ACE: variants seen among roughly 807,000 people sequenced by gnomAD.
The protein encoded by ACE is angiotensin I converting enzyme, also known as angiotensin-converting enzyme.
In ACE, 122 loss-of-function variants were observed where a neutral mutation model predicts 162.3. The ratio of observed to expected loss-of-function variants is 0.75; its 90% CI spans 0.65 to 0.87. The LOEUF (loss-of-function observed/expected upper bound fraction) is 0.87, where lower values mean the gene tolerates loss of function less well. Among genes scored for constraint, ACE ranks in the 40% least tolerant of loss-of-function variants. ACE has a pLI of 0.00. For missense variants in ACE, 1,799 were observed against 1,735.1 expected (o/e 1.04, Z -0.65); for synonymous variants, 796 against 720.6 (o/e 1.10, Z -1.68).
chr17:63,478,125 G>C lies in ACE; in HGVS notation c.417+27G>C, dbSNP rs1015502824. 1.9e-6 allele frequency: 3 copies of C among 1,559,168 alleles called. No individual in the cohort carries two copies. In the African/African-American group the frequency reaches 4.1e-5, roughly 21 times the overall value. On this transcript the variant is annotated intron_variant, in intron 2 of 24. Coordinates refer to ENST00000290866, the MANE Select transcript of ACE (RefSeq NM_000789.4). Reference sequence around the variant, plus strand: ...TGGGCTGAGGGCTGAGGCAGAGCTCGGGGGCGGCCTCCTAGTGCCCCATCG... The same window carrying C: ...TGGGCTGAGGGCTGAGGCAGAGCTCCGGGGCGGCCTCCTAGTGCCCCATCG...
At position 63,486,920 on chromosome 17, in the gene ACE, T is replaced by C. The variant is rs4332; in HGVS notation, c.2218-66T>C. Reference sequence around the variant, plus strand: ...CCTGCCAGCCCATGGGGCCTGGGGGTAGTGCAGGCCCCAGAGAGACCAAGT... The same window carrying C: ...CCTGCCAGCCCATGGGGCCTGGGGGCAGTGCAGGCCCCAGAGAGACCAAGT... On this transcript the variant is annotated intron_variant, in intron 14 of 24. Transcript: ENST00000290866. 0.48 allele frequency: 719,865 copies of C among 1,500,288 alleles called. 174,806 individuals are homozygous for C. Among genetic ancestry groups the C allele is most frequent in the East Asian group, 0.65 (28,821 of 44,296 alleles). The allele number at this position is 1,500,288 out of a possible 1,614,324, so 92.9% of individuals were successfully genotyped here.
chr17:63,494,253 C>A, intron 21 of ACE, 119 bp from the exon 22 acceptor site: 2 of 1,264,322 alleles, frequency 1.6e-6, no homozygotes, highest in Non-Finnish European at 2.3e-6. Context: ...GCCCAGCACG[C>A]AGGAGAATGG....
In ACE at chr17:63,491,264, G is replaced by C. The variant is rs768235439; in HGVS notation, c.2795G>C (p.Gly932Ala). ...KEADDFFTSL[G>A]LLPVPPEFWN... ...GCTGATGATTTCTTCACCTCCCTGG[G>C]GCTGCTGCCCGTGCCTCCTGAGTTC... Residue 932 changes from glycine (G) to alanine (A), a missense_variant, in exon 19 of 25, where the codon GGG becomes GCG. Coordinates refer to ENST00000290866, the MANE Select transcript of ACE (RefSeq NM_000789.4). This position sits in a 1 kb window ranked among gnomAD's most constrained non-coding sequence, Gnocchi z 4.4. The C allele has an allele frequency of 6.2e-7, 1 of 1,614,192 alleles. No homozygotes were observed. Among genetic ancestry groups the C allele is most frequent in the South Asian group, 1.1e-5 (1 of 91,090 alleles).
intron 10 of ACE, 138 bp downstream of exon 10, chr17:63,483,696 C>A: frequency 7.0e-7 from 1 of 1,436,372 alleles, no homozygotes; most frequent in Non-Finnish European, 9.8e-7. Context: ...GTTAGAGTGG[C>A]CCACTCTCCT....
chr17:63,493,409 C>A (rs375210570), intron 19 of ACE, 27 bp from the exon 20 acceptor site: 78 of 1,609,362 alleles, frequency 4.8e-5, no homozygotes, highest in Non-Finnish European at 6.3e-5. Flanking sequence ...TCTCCCAACA[C>A]CCTCTCCCCC....
rs1350428418 is a variant in ACE, at chr17:63,479,016, C to T, written c.427C>T (p.Leu143=). ...CCCTCTGACTCCCCAGTACAACGCCCTGCTAAGCAACATGAGCAGGATCTA... is the reference window on the plus strand; with the variant it reads ...CCCTCTGACTCCCCAGTACAACGCCTTGCTAAGCAACATGAGCAGGATCTA... The part of the protein sequence containing the change: ...PLAKRQQYNA[L]LSNMSRIYST... Residue 143 remains leucine (L), a synonymous_variant, in exon 3 of 25, where the codon CTG becomes TTG. Coordinates refer to ENST00000290866, the MANE Select transcript of ACE (RefSeq NM_000789.4). 1.2e-6 allele frequency: 2 copies of T among 1,613,516 alleles called. No homozygotes were observed. The highest frequency in any genetic ancestry group is 1.3e-5 in the African/African-American group (1 of 74,880).
chr17:63,483,095 T>C lies in ACE; in HGVS notation c.1409T>C (p.Leu470Ser). The part of the protein sequence containing the change: ...EKIAFLPFGY[L>S]VDQWRWGVFS... ...ATTGCCTTCCTGCCCTTTGGCTACT[T>C]GGTGGACCAGTGGCGCTGGGGGGTC... Residue 470 changes from leucine to serine, a missense_variant, in exon 9 of 25, where the codon TTG (leucine) becomes TCG (serine). Coordinates refer to ENST00000290866, the MANE Select transcript of ACE (RefSeq NM_000789.4). The C allele has an allele frequency of 6.2e-7, 1 of 1,614,182 alleles. No homozygotes were observed. The highest frequency in any genetic ancestry group is 1.6e-4 in the Middle Eastern group (1 of 6,062).
chr17:63,497,549 A>C lies in ACE; in HGVS notation c.*183A>C. The C allele has an allele frequency of 1.4e-6, 1 of 707,240 alleles. No individual in the cohort carries two copies. Among genetic ancestry groups the C allele is most frequent in the South Asian group, 1.5e-5 (1 of 66,754 alleles). 43.8% of individuals were successfully genotyped at this position (707,240 alleles called of 1,614,324 possible). A position where few individuals can be genotyped will look rare whatever the true frequency, so the allele number is the denominator to read the frequency against. ...CCGCCCCAGCCCCTTCTCCCAGCAC[A>C]CGGCTGCCTGACACTGAGCCCCACC... On this transcript the variant is annotated 3_prime_UTR_variant, in exon 25 of 25. Transcript: ENST00000290866.
chr17:63,478,225 GC>G, intron 2 of ACE, 127 bp downstream of exon 2: 1 of 1,233,528 alleles, frequency 8.1e-7, no homozygotes, highest in Non-Finnish European at 1.1e-6. Flanking sequence ...AGAAGGGAAA[GC>G]CCAGGTAAGC....
Position 63,497,337 on chromosome 17 carries a change from G to A in ACE, c.3892G>A (p.Gly1298Ser), listed in dbSNP as rs1024799181. ...LHRHSHGPQF[G>S]SEVELRHS Reference sequence around the variant, plus strand: ...CCGGCACTCCCACGGGCCCCAGTTCGGCTCCGAGGTGGAGCTGAGACACTC... The same window carrying A: ...CCGGCACTCCCACGGGCCCCAGTTCAGCTCCGAGGTGGAGCTGAGACACTC... The change falls in exon 25 of 25, where the codon GGC becomes AGC. Residue 1298 changes from glycine to serine, a missense_variant. Coordinates refer to ENST00000290866, the MANE Select transcript of ACE (RefSeq NM_000789.4). 5.2e-6 allele frequency: 8 copies of A among 1,548,594 alleles called. No homozygotes were observed. Among genetic ancestry groups the A allele is most frequent in the East Asian group, 2.4e-5 (1 of 40,884 alleles).
At chr17:63,487,151 C>T (rs2030010066) in intron 15 of ACE, 78 bp downstream of exon 15, 6 of 1,286,488 alleles carry the variant, frequency 4.7e-6, no homozygotes, top group Admixed American at 1.7e-5. Context: ...GGTGAGAGCA[C>T]AGAGTTGGGT....
chr17:63,494,359 T>A lies in ACE; in HGVS notation c.3282-13T>A. 1.2e-6 allele frequency: 2 copies of A among 1,612,720 alleles called. No individual in the cohort carries two copies. The highest frequency in any genetic ancestry group is 2.2e-5 in the South Asian group (2 of 90,942). On this transcript the variant is annotated splice_polypyrimidine_tract_variant and intron_variant, in intron 21 of 24. Transcript: ENST00000290866. ...CCCAAACTCATCTTCCAACATATATTCCCACTCGACAGGCTGAAGTACCAG... is the reference window on the plus strand; with the variant it reads ...CCCAAACTCATCTTCCAACATATATACCCACTCGACAGGCTGAAGTACCAG...
intron 2 of ACE, 148 bp from the exon 3 acceptor site, chr17:63,478,859 G>A (rs1599137798): frequency 1.4e-6 from 1 of 709,858 alleles, no homozygotes; most frequent in Non-Finnish European, 2.5e-6. Flanking sequence ...CACACTAAGT[G>A]ACACTTAGTG....
In ACE at chr17:63,486,992, A is replaced by G. The variant is rs2029992650; in HGVS notation, c.2224A>G (p.Lys742Glu). Residue 742 changes from lysine (K) to glutamate (E), a missense_variant, in exon 15 of 25, where the codon AAG becomes GAG. Lys to Glu is a moderately conservative substitution (Grantham distance 56). Coordinates refer to ENST00000290866, the MANE Select transcript of ACE (RefSeq NM_000789.4). Reference protein sequence around the residue: ...LPAQELEEYNKILLDMETTYS... With the variant: ...LPAQELEEYNEILLDMETTYS... Reference sequence around the variant, plus strand: ...CCTCTCCTTCCTCCTGCAGTACAACAAGATCCTGTTGGATATGGAAACCAC... The same window carrying G: ...CCTCTCCTTCCTCCTGCAGTACAACGAGATCCTGTTGGATATGGAAACCAC... 2.5e-6 allele frequency: 4 copies of G among 1,613,582 alleles called. No homozygotes were observed. The African/African-American group carries it at 5.3e-5, about 22-fold the overall frequency.
At position 63,481,596 on chromosome 17, in the gene ACE, G is replaced by A. The variant is rs1273653682; in HGVS notation, c.976G>A (p.Ala326Thr). The change falls in exon 7 of 25, where the codon GCA (alanine) becomes ACA (threonine). Residue 326 changes from alanine to threonine, a missense_variant. Ala to Thr is a moderately conservative substitution (Grantham distance 58, BLOSUM62 0). Transcript: ENST00000290866. Reference sequence around the variant, plus strand: ...GAACGCCACGCACATGTTCCGGGTGGCAGAGGAGTTCTTCACCTCCCTGGA... The same window carrying A: ...GAACGCCACGCACATGTTCCGGGTGACAGAGGAGTTCTTCACCTCCCTGGA... The part of the protein sequence containing the change: ...GWNATHMFRV[A>T]EEFFTSLELS... 20 of 1,613,910 alleles carry A rather than the reference G, an allele frequency of 1.2e-5. No homozygotes were observed. Among genetic ancestry groups the A allele is most frequent in the East Asian group, 2.2e-5 (1 of 44,890 alleles).
Position 63,495,002 on chromosome 17 carries a change from T to G in ACE, c.3380+532T>G, listed in dbSNP as rs532952262. On this transcript the variant is annotated intron_variant, in intron 22 of 24. Coordinates refer to ENST00000290866, the MANE Select transcript of ACE (RefSeq NM_000789.4). ...CAAACTCCGTCTCCATTACTTTGTT[T>G]CCTTGAGAAAATTCCTCAATTTCTG... Among the ~76,000 whole-genome samples, 4 of 152,298 alleles carry G rather than the reference T, an allele frequency of 2.6e-5. No homozygotes were observed. The South Asian group carries it at 8.3e-4, about 32-fold the overall frequency.
intron 6 of ACE, 46 bp downstream of exon 6, chr17:63,481,234 G>GCGGGGGGGGCC: frequency 1.6e-6 from 1 of 624,010 alleles, no homozygotes; most frequent in Non-Finnish European, 3.0e-6. Context: ...CGGGGGTGGG[G>GCGGGGGGGGCC]CGCAAAAAAA....
At position 63,481,615 on chromosome 17, in the gene ACE, C is replaced by T. The variant is rs2049711073; in HGVS notation, c.995C>T (p.Ser332Phe). Reference sequence around the variant, plus strand: ...CGGGTGGCAGAGGAGTTCTTCACCTCCCTGGAGCTCTCCCCCATGCCTCCC... The same window carrying T: ...CGGGTGGCAGAGGAGTTCTTCACCTTCCTGGAGCTCTCCCCCATGCCTCCC... The part of the protein sequence containing the change: ...MFRVAEEFFT[S>F]LELSPMPPEF... Residue 332 changes from serine to phenylalanine, a missense_variant, in exon 7 of 25, where the codon TCC (serine) becomes TTC (phenylalanine). Coordinates refer to ENST00000290866, the MANE Select transcript of ACE (RefSeq NM_000789.4). 1 of 1,614,088 alleles carries T rather than the reference C, an allele frequency of 6.2e-7. No homozygotes were observed. The highest frequency in any genetic ancestry group is 8.5e-7 in the Non-Finnish European group (1 of 1,180,028).
Position 63,486,712 on chromosome 17 carries a change from G to A in ACE, c.2214G>A (p.Glu738=). 6.2e-7 allele frequency: 1 copy of A among 1,614,196 alleles called. No individual in the cohort carries two copies. Among genetic ancestry groups the A allele is most frequent in the Non-Finnish European group, 8.5e-7 (1 of 1,180,034 alleles). ...ERAALPAQEL[E]EYNKILLDME... ...CAGCACTGCCTGCCCAGGAGCTGGA[G>A]GAGGTGTGTGGCTCGCAAGGTACAG... The change falls in exon 14 of 25, where the codon GAG becomes GAA. Residue 738 remains glutamate (E), a synonymous_variant. Transcript: ENST00000290866.
Sources: gnomAD v4.1 joint callset for allele counts (sites outside exome capture counted in the v4.1 genomes callset) on GRCh38, gnomAD v4.1.1 for gene constraint, Gnocchi (gnomAD v3.1) non-coding constraint, MANE v1.5 for transcripts, NCBI Gene and HGNC (gene_info 2026-07-23, HGNC 2026-07-21) for gene names.